Variants in AP2A2 observed in about 807,000 individuals in gnomAD.
AP2A2 encodes the protein adaptor related protein complex 2 subunit alpha 2.
AP2A2 carries 32 observed loss-of-function variants against 104.2 expected under a neutral mutation model. The observed-to-expected ratio is 0.31, with a 90% confidence interval of 0.23 to 0.41. The LOEUF (loss-of-function observed/expected upper bound fraction) is 0.41. Ranked by LOEUF, AP2A2 falls within the 10% of genes least tolerant of loss-of-function variation. The probability of loss-of-function intolerance (pLI) is 1.00; values close to 1 mark genes in which losing one functional copy is unlikely to be tolerated. For missense variants in AP2A2, 912 were observed against 1,261.0 expected (o/e 0.72, Z 4.19); for synonymous variants, 539 against 533.3 (o/e 1.01, Z -0.15).
rs117256000 is a variant in AP2A2, at chr11:972,323, T to A, written c.473+68T>A. On this transcript the variant is annotated intron_variant, in intron 4 of 21. Transcript: ENST00000448903. ...GCTTTCATGCCAAATACATCAAATA[T>A]GGAGCTGCTTAGCCTAGGAAATGTT... The A allele has an allele frequency of 3.7e-4, 532 of 1,427,000 alleles. 1 individual carries two copies. The East Asian group carries it at 0.01, about 28-fold the overall frequency. The allele number at this position is 1,427,000 out of a possible 1,614,324, so 88.4% of individuals were successfully genotyped here.
At chr11:963,040 G>A (rs1304091727) in intron 2 of AP2A2, among the ~76,000 whole-genome samples, 2 of 152,046 alleles carry the variant, frequency 1.3e-5, no homozygotes, top group East Asian at 1.9e-4. Flanking sequence ...AAAGGCTCTG[G>A]CAGCCTCATT....
chr11:972,950 T>G (rs1039838529), intron 4 of AP2A2, among the ~76,000 whole-genome samples: 1 of 152,174 alleles, frequency 6.6e-6, no homozygotes, highest in Non-Finnish European at 1.5e-5. Context: ...CCGTCCCTTG[T>G]TAATTTGGAG....
In AP2A2 at chr11:925,914, C is replaced by T; in HGVS notation, c.-108C>T. On this transcript the variant is annotated 5_prime_UTR_variant, in exon 1 of 22. Coordinates refer to ENST00000448903, the MANE Select transcript of AP2A2 (RefSeq NM_012305.4). ...CTGAGGCGGCCGTGGTTAGGCGGCT[C>T]CCCGGCGGCTCCTCCGCGGCGGTGA... 5.9e-6 allele frequency: 5 copies of T among 847,572 alleles called. No homozygotes were observed. The highest frequency in any genetic ancestry group is 3.1e-5 in the South Asian group (1 of 31,972). The allele number at this position is 847,572 out of a possible 1,614,324, so 52.5% of individuals were successfully genotyped here. A position where few individuals can be genotyped will look rare whatever the true frequency, so the allele number is the denominator to read the frequency against.
intron 14 of AP2A2, chr11:995,295 T>C: frequency 2.2e-6 from 1 of 455,888 alleles, no homozygotes. Context: ...TGTGATGCGA[T>C]GAGAATAATC....
Position 1,008,828 on chromosome 11 carries a change from C to T in AP2A2, c.2421-272C>T, listed in dbSNP as rs1856300681. On this transcript the variant is annotated intron_variant, in intron 18 of 21. Transcript: ENST00000448903. The stretch of plus-strand genomic sequence containing the variant: ...AAGAAAAAACATCACACTATTTGCA[C>T]AGACTTGGAGTTCTGGGAAACAGAT... The T allele has an allele frequency of 5.8e-6, 3 of 514,504 alleles. No individual in the cohort carries two copies. The South Asian group carries it at 1.0e-4, about 17-fold the overall frequency. 31.9% of individuals were successfully genotyped at this position (514,504 alleles called of 1,614,324 possible).
At chr11:970,898 G>A (rs775853256) in intron 3 of AP2A2, among the ~76,000 whole-genome samples, 13 of 152,268 alleles carry the variant, frequency 8.5e-5, no homozygotes, top group Non-Finnish European at 1.3e-4. Context: ...CTGGTGCACA[G>A]TGTCCTGTCA....
chr11:927,038 T>G (rs1218437137), intron 1 of AP2A2, among the ~76,000 whole-genome samples: 6 of 152,212 alleles, frequency 3.9e-5, no homozygotes, highest in Non-Finnish European at 4.4e-5. Context: ...TTTTTCCTTG[T>G]TATCCAGCAA....
rs1412947758 is a variant in AP2A2, at chr11:992,126, G to C, written c.1270-377G>C. On this transcript the variant is annotated intron_variant, in intron 10 of 21. Transcript: ENST00000448903. This position sits in a 1 kb window ranked among gnomAD's most constrained non-coding sequence, Gnocchi z 6.4. Reference sequence around the variant, plus strand: ...GTGGCGCAGTCACTGGCCGCCGGGAGCCCAGGGTGGCGCAGTCAGAGGTCA... The same window carrying C: ...GTGGCGCAGTCACTGGCCGCCGGGACCCCAGGGTGGCGCAGTCAGAGGTCA... Among the ~76,000 whole-genome samples, 1 of 152,076 alleles carries C rather than the reference G, an allele frequency of 6.6e-6. No homozygotes were observed. The highest frequency in any genetic ancestry group is 1.5e-5 in the Non-Finnish European group (1 of 68,014).
chr11:991,378 G>A (rs1855649817), intron 10 of AP2A2, among the ~76,000 whole-genome samples: 1 of 152,194 alleles, frequency 6.6e-6, no homozygotes, highest in Admixed American at 6.5e-5. Context: ...GGCCTCAGGA[G>A]GCATTACACT....
rs1263451241 is a variant in AP2A2 at position 925,968 on chromosome 11, C to G, written c.-54C>G. On this transcript the variant is annotated 5_prime_UTR_variant, in exon 1 of 22. Transcript: ENST00000448903. The stretch of plus-strand genomic sequence containing the variant: ...CGACCGCACTCCCCGCTTCCCGCTC[C>G]CCGCGCTCCTCCGCCCGGGTCCGCC... 41 of 1,339,584 alleles carry G rather than the reference C, an allele frequency of 3.1e-5. No individual in the cohort carries two copies. Among genetic ancestry groups the G allele is most frequent in the Non-Finnish European group, 3.5e-5 (36 of 1,020,396 alleles). 83.0% of individuals were successfully genotyped at this position (1,339,584 alleles called of 1,614,324 possible).
rs780966808 is a variant in AP2A2 at position 1,000,481 on chromosome 11, C to T, written c.2006C>T (p.Pro669Leu). 57 of 1,540,068 alleles carry T rather than the reference C, an allele frequency of 3.7e-5. No individual in the cohort carries two copies. Among genetic ancestry groups the T allele is most frequent in the Non-Finnish European group, 4.5e-5 (52 of 1,147,122 alleles). The stretch of plus-strand genomic sequence containing the variant: ...CTGCTGGGTCTCGGGGCTGCCCCCC[C>T]TGCCCCCGCGGGCCCCCCACCCTCC... ...ADLLGLGAAP[P>L]APAGPPPSSG... is the part of the protein sequence containing the mutation. Residue 669 changes from proline (P) to leucine (L), a missense_variant, in exon 15 of 22, where the codon CCT becomes CTT. Pro to Leu is a moderately conservative substitution (Grantham distance 98). This residue lies in a region of AP2A2 where 105 missense variants were observed against 90.9 expected (regional missense o/e 1.16). Transcript: ENST00000448903.
At position 983,601 on chromosome 11, in the gene AP2A2, T is replaced by C. The variant is rs555857529; in HGVS notation, c.706-1044T>C. Among the ~76,000 whole-genome samples, 96 of 151,906 alleles carry C rather than the reference T, an allele frequency of 6.3e-4. 4 individuals carry two copies. The highest frequency in any genetic ancestry group is 3.9e-4 in the East Asian group (2 of 5,120). Reference sequence around the variant, plus strand: ...GGTTTCACTGTGTTAGCCAGGATGGTCTCGATCTCCTGACCTTGTGATCCG... The same window carrying C: ...GGTTTCACTGTGTTAGCCAGGATGGCCTCGATCTCCTGACCTTGTGATCCG... On this transcript the variant is annotated intron_variant, in intron 6 of 21. Coordinates refer to ENST00000448903, the MANE Select transcript of AP2A2 (RefSeq NM_012305.4).
chr11:966,225 G>T (rs943860883), intron 2 of AP2A2, among the ~76,000 whole-genome samples: 2 of 152,222 alleles, frequency 1.3e-5, no homozygotes, highest in Non-Finnish European at 2.9e-5. Context: ...AGGCGCGGTG[G>T]CTCGTGCCTA....
At chr11:944,821 C>T (rs1853779246) in intron 1 of AP2A2, among the ~76,000 whole-genome samples, 1 of 134,882 alleles carries the variant, frequency 7.4e-6, no homozygotes, top group East Asian at 2.1e-4. Context: ...GAAGAAACAG[C>T]AGGAGGCGCA....
chr11:955,371 G>A (rs1854201391), intron 1 of AP2A2, among the ~76,000 whole-genome samples: 1 of 152,230 alleles, frequency 6.6e-6, no homozygotes, highest in African/African-American at 2.4e-5. Context: ...CATCCTGGGG[G>A]GCATCAGGCT....
intron 1 of AP2A2, among the ~76,000 whole-genome samples, chr11:952,478 T>C: frequency 6.6e-6 from 1 of 152,236 alleles, no homozygotes; most frequent in East Asian, 1.9e-4. Context: ...GGAATGCAAA[T>C]TGTAACTTGC....
In AP2A2 at chr11:976,089, G is replaced by T. The variant is rs1184251240; in HGVS notation, c.474-1006G>T. ...GTCCTGAAGCCGCCTGGCAAGGACA[G>T]CCCTGCTGGCGCCTGGAACACACCC... On this transcript the variant is annotated intron_variant, in intron 4 of 21. Transcript: ENST00000448903. Among the ~76,000 whole-genome samples, 4 of 152,210 alleles carry T rather than the reference G, an allele frequency of 2.6e-5. No individual in the cohort carries two copies. In the East Asian group the frequency reaches 7.7e-4, roughly 29 times the overall value.
rs1854844639 is a variant in AP2A2 at position 971,918 on chromosome 11, C to T, written c.280-144C>T. ...GACGTTTGCCGAATCCTGAGAGGCG[C>T]CGCTCCCACAGCAGTGCCCTGGGTG... is the stretch of plus-strand genomic sequence containing the variant. On this transcript the variant is annotated intron_variant, in intron 3 of 21. Coordinates refer to ENST00000448903, the MANE Select transcript of AP2A2 (RefSeq NM_012305.4). 5 of 745,228 alleles carry T rather than the reference C, an allele frequency of 6.7e-6. No individual in the cohort carries two copies. In the South Asian group the frequency reaches 7.5e-5, roughly 11 times the overall value. 46.2% of individuals were successfully genotyped at this position (745,228 alleles called of 1,614,324 possible). A position where few individuals can be genotyped will look rare whatever the true frequency, so the allele number is the denominator to read the frequency against.
At chr11:954,237 A>C (rs889551927) in intron 1 of AP2A2, among the ~76,000 whole-genome samples, 1 of 152,180 alleles carries the variant, frequency 6.6e-6, no homozygotes, top group African/African-American at 2.4e-5. Context: ...CAAAGGCTGC[A>C]CTTGGATTCC....
Sources: allele counts gnomAD v4.1 joint callset (sites outside exome capture counted in the v4.1 genomes callset), GRCh38; gene constraint gnomAD v4.1.1; regional missense constraint gnomAD v4.1.1; non-coding constraint Gnocchi (gnomAD v3.1); transcripts MANE v1.5; gene names NCBI Gene and HGNC (gene_info 2026-07-23, HGNC 2026-07-21).